Variants in ZNF804B observed in about 807,000 individuals in gnomAD.
ZNF804B encodes the protein zinc finger protein 804B.
A neutral mutation model predicts 101.4 loss-of-function variants in ZNF804B; 80 were observed. That is an observed-to-expected ratio of 0.79 (90% CI 0.66 to 0.95). ZNF804B has a LOEUF of 0.95. Among genes scored for constraint, ZNF804B ranks in the 40% least tolerant of loss-of-function variants. The pLI is 0.00. For missense variants in ZNF804B, 1,673 were observed against 1,561.9 expected (o/e 1.07, Z -1.20); for synonymous variants, 622 against 558.8 (o/e 1.11, Z -1.59).
At chr7:88,870,911 G>T (rs1380865932) in intron 1 of ZNF804B, among the ~76,000 whole-genome samples, 2 of 152,092 alleles carry the variant, frequency 1.3e-5, no homozygotes, top group Non-Finnish European at 2.9e-5. Context: ...ATGGCAATTA[G>T]ATATGAATAT....
intron 1 of ZNF804B, among the ~76,000 whole-genome samples, chr7:89,040,897 G>A (rs1284457381): frequency 6.6e-6 from 1 of 151,944 alleles, no homozygotes; most frequent in Non-Finnish European, 1.5e-5. Context: ...TGCTAAAGTG[G>A]AACTGTTATC....
At chr7:88,785,678 C>A (rs2115670577) in intron 1 of ZNF804B, among the ~76,000 whole-genome samples, 1 of 152,266 alleles carries the variant, frequency 6.6e-6, no homozygotes, top group South Asian at 2.1e-4. Context: ...GTACTTGAGG[C>A]CCTGCCTTGT....
intron 1 of ZNF804B, among the ~76,000 whole-genome samples, chr7:89,011,221 A>T (rs1318964310): frequency 3.3e-5 from 5 of 152,168 alleles, no homozygotes; most frequent in Non-Finnish European, 7.4e-5. Flanking sequence ...TGCTAACAGC[A>T]TGGGGAAAAC....
At chr7:89,217,420 A>G (rs1788914256) in intron 1 of ZNF804B, among the ~76,000 whole-genome samples, 1 of 152,176 alleles carries the variant, frequency 6.6e-6, no homozygotes, top group South Asian at 2.1e-4. Flanking sequence ...GCAGACTAAA[A>G]TAGAACCTTA....
chr7:88,792,259 T>C (rs577804761), intron 1 of ZNF804B, among the ~76,000 whole-genome samples: 1 of 152,242 alleles, frequency 6.6e-6, no homozygotes, highest in African/African-American at 2.4e-5. Context: ...ATCAAGCTCA[T>C]GTTGTAAGAA....
At chr7:89,027,779 G>A (rs10253454) in intron 1 of ZNF804B, among the ~76,000 whole-genome samples, 26,150 of 152,118 alleles carry the variant, frequency 0.17, 2,516 homozygotes, top group East Asian at 0.27. Context: ...TCAATTCAGG[G>A]AAGATGCAAA....
intron 1 of ZNF804B, among the ~76,000 whole-genome samples, chr7:88,786,330 G>A (rs1009971718): frequency 3.9e-5 from 6 of 152,026 alleles, no homozygotes; most frequent in African/African-American, 1.4e-4. Flanking sequence ...TAGTCCCTAG[G>A]ATATGACTCT....
intron 2 of ZNF804B, among the ~76,000 whole-genome samples, chr7:89,233,292 A>G (rs1040553087): frequency 2.6e-5 from 4 of 152,196 alleles, no homozygotes; most frequent in African/African-American, 7.2e-5. Flanking sequence ...AACTGTTAAT[A>G]TAATAATGAG....
At chr7:88,864,919 C>T (rs967381970) in intron 1 of ZNF804B, among the ~76,000 whole-genome samples, 1 of 152,148 alleles carries the variant, frequency 6.6e-6, no homozygotes, top group African/African-American at 2.4e-5. Context: ...TAAGCTCTTT[C>T]TTCTCCACCC....
At chr7:88,869,923 A>G (rs1279141003) in intron 1 of ZNF804B, among the ~76,000 whole-genome samples, 1 of 152,232 alleles carries the variant, frequency 6.6e-6, no homozygotes, top group Admixed American at 6.5e-5. Flanking sequence ...TCAGCTGCAG[A>G]TAAATTAGTA....
intron 1 of ZNF804B, among the ~76,000 whole-genome samples, chr7:88,846,926 A>G (rs970252664): frequency 8.0e-6 from 1 of 124,898 alleles, no homozygotes; most frequent in Non-Finnish European, 1.6e-5. Flanking sequence ...ACATATATAT[A>G]AATGTGTATA....
chr7:89,253,067 GA>G (rs1315464323), intron 2 of ZNF804B, among the ~76,000 whole-genome samples: 1 of 151,820 alleles, frequency 6.6e-6, no homozygotes, highest in African/African-American at 2.4e-5. Flanking sequence ...AATAAGGACA[GA>G]AAAAAATCTA....
In ZNF804B at chr7:89,333,542, A is replaced by ATC. The variant is rs773131730; in HGVS notation, c.561_562dup (p.Arg188LeufsTer43). On this transcript the variant is annotated frameshift_variant, in exon 4 of 4. Transcript: ENST00000333190. LOFTEE classifies it high-confidence loss of function. ...GATAAACAGCGGTCCACCATGCCAA[A>ATC]TCGACACCAATTACAATCAGACAGG... is the stretch of plus-strand genomic sequence containing the variant. 13 of 1,613,438 alleles carry ATC rather than the reference A, an allele frequency of 8.1e-6. No homozygotes were observed. Among genetic ancestry groups the ATC allele is most frequent in the Non-Finnish European group, 1.0e-5 (12 of 1,179,680 alleles).
intron 1 of ZNF804B, among the ~76,000 whole-genome samples, chr7:89,066,881 G>C (rs530544983): frequency 1.3e-5 from 2 of 152,076 alleles, no homozygotes; most frequent in South Asian, 4.2e-4. Flanking sequence ...TCCTGCCTCA[G>C]CCTCCTGAGT....
At chr7:89,087,016 A>T (rs900332938) in intron 1 of ZNF804B, among the ~76,000 whole-genome samples, 34 of 150,844 alleles carry the variant, frequency 2.3e-4, no homozygotes, top group Non-Finnish European at 3.1e-4. Context: ...CAAAAGGCAA[A>T]AAATAAATAA....
intron 1 of ZNF804B, among the ~76,000 whole-genome samples, chr7:88,982,338 C>G (rs1793704091): frequency 6.6e-6 from 1 of 152,068 alleles, no homozygotes; most frequent in Non-Finnish European, 1.5e-5. Context: ...ACAAGAGACC[C>G]ACAGGCATCC....
At chr7:89,040,940 A>G (rs1020169177) in intron 1 of ZNF804B, among the ~76,000 whole-genome samples, 18 of 151,972 alleles carry the variant, frequency 1.2e-4, no homozygotes, top group Non-Finnish European at 2.2e-4. Flanking sequence ...GTTTGTGGGA[A>G]CCATCTTGTG....
Position 89,103,483 on chromosome 7 carries a change from A to ATG in ZNF804B, c.109-114660_109-114659dup, listed in dbSNP as rs139197638. Among the ~76,000 whole-genome samples, 273 of 150,734 alleles carry ATG rather than the reference A, an allele frequency of 1.8e-3. 7 individuals are homozygous for ATG. In the East Asian group the frequency reaches 0.044, roughly 24 times the overall value. Reference sequence around the variant, plus strand: ...ATTTCTAGGTATTTTGTGTGTGTGCATGTGTGTGTGTGTCTACTGTAAAAG... The same window carrying ATG: ...ATTTCTAGGTATTTTGTGTGTGTGCATGTGTGTGTGTGTGTCTACTGTAAAAG... On this transcript the variant is annotated intron_variant, in intron 1 of 3. Transcript: ENST00000333190.
intron 1 of ZNF804B, among the ~76,000 whole-genome samples, chr7:89,104,602 G>A (rs191484102): frequency 1.3e-5 from 2 of 151,866 alleles, no homozygotes; most frequent in East Asian, 1.9e-4. Context: ...TTATTTTTCT[G>A]TTGGGACAAG....
Sources: allele counts gnomAD v4.1 joint callset (sites outside exome capture counted in the v4.1 genomes callset), GRCh38; gene constraint gnomAD v4.1.1; transcripts MANE v1.5; gene names NCBI Gene and HGNC (gene_info 2026-07-23, HGNC 2026-07-21).